Variants in TOPBP1 observed in about 807,000 individuals in gnomAD.
The protein encoded by TOPBP1 is DNA topoisomerase 2-binding protein 1.
A neutral mutation model predicts 167.7 loss-of-function variants in TOPBP1; 28 were observed. That is an observed-to-expected ratio of 0.17 (90% CI 0.12 to 0.23). The LOEUF (loss-of-function observed/expected upper bound fraction) is 0.23. TOPBP1 is among the 10% of genes least tolerant of loss of function. The pLI, the probability that TOPBP1 is intolerant of heterozygous loss-of-function variation, is 1.00. For missense variants in TOPBP1, 1,554 were observed against 1,809.6 expected (o/e 0.86, Z 2.56); for synonymous variants, 598 against 611.4 (o/e 0.98, Z 0.32).
In TOPBP1 at chr3:133,645,512, A is replaced by G. The variant is rs1261591151; in HGVS notation, c.1505-1149T>C. ...TTTTTAAACAGTTTTGTTAAAATGT[A>G]AAGTTTGTTTTATAAGTAAAAACCT... On this transcript the variant is annotated intron_variant, in intron 10 of 27. Coordinates refer to ENST00000260810, the MANE Select transcript of TOPBP1 (RefSeq NM_007027.4). Among the ~76,000 whole-genome samples, 3 of 152,306 alleles carry G rather than the reference A, an allele frequency of 2.0e-5. No homozygotes were observed. In the East Asian group the frequency reaches 5.8e-4, roughly 29 times the overall value.
chr3:133,620,849 A>C (rs1935068001), intron 19 of TOPBP1, among the ~76,000 whole-genome samples: 1 of 152,144 alleles, frequency 6.6e-6, no homozygotes, highest in Admixed American at 6.5e-5. Context: ...TGCTAGGATT[A>C]CAGGCATGAG....
rs1935169179 is a variant in TOPBP1 at position 133,623,533 on chromosome 3, C to A, written c.2929-76G>T. ...TAGATGATGTTAAGTAGGATAAGGA[C>A]AAGCAATACATTATACTGTAATATG... On this transcript the variant is annotated intron_variant, in intron 17 of 27. Coordinates refer to ENST00000260810, the MANE Select transcript of TOPBP1 (RefSeq NM_007027.4). 7.5e-6 allele frequency: 11 copies of A among 1,462,892 alleles called. No individual in the cohort carries two copies. The Admixed American group carries it at 2.0e-4, about 27-fold the overall frequency. The allele number at this position is 1,462,892 out of a possible 1,614,324, so 90.6% of individuals were successfully genotyped here. A position where few individuals can be genotyped will look rare whatever the true frequency, so the allele number is the denominator to read the frequency against.
intron 6 of TOPBP1, 103 bp from the exon 7 acceptor site, chr3:133,653,627 A>ATT: frequency 9.3e-7 from 1 of 1,073,718 alleles, no homozygotes; most frequent in Non-Finnish European, 1.2e-6. Flanking sequence ...TAACAGGTTA[A>ATT]TATTTTTTTT....
At chr3:133,648,468 T>A (rs1936158920) in intron 10 of TOPBP1, among the ~76,000 whole-genome samples, 1 of 152,312 alleles carries the variant, frequency 6.6e-6, no homozygotes, top group Admixed American at 6.5e-5. Flanking sequence ...AGTATGTTGA[T>A]GAGTGGAGAG....
chr3:133,649,704 T>G, intron 9 of TOPBP1, 71 bp from the exon 10 acceptor site: 2 of 1,591,332 alleles, frequency 1.3e-6, no homozygotes, highest in Non-Finnish European at 1.7e-6. Flanking sequence ...TCATGCAGTT[T>G]CCAGAACTGC....
At position 133,623,117 on chromosome 3, in the gene TOPBP1, C is replaced by A; in HGVS notation, c.3152G>T (p.Gly1051Val). The A allele has an allele frequency of 6.2e-7, 1 of 1,609,740 alleles. No homozygotes were observed. ...TNNKESAPSN[G>V]SGKNDSKGVL... ...TCCTTTAGAGTCATTCTTTCCACTT[C>A]CATTTGATGGTGCTGACTCTTTATT... Residue 1051 changes from glycine (G) to valine (V), a missense_variant, in exon 19 of 28, where the codon GGA becomes GTA. Coordinates refer to ENST00000260810, the MANE Select transcript of TOPBP1 (RefSeq NM_007027.4).
intron 12 of TOPBP1, among the ~76,000 whole-genome samples, chr3:133,640,688 C>A (rs1178671282): frequency 6.6e-6 from 1 of 152,086 alleles, no homozygotes; most frequent in African/African-American, 2.4e-5. Flanking sequence ...GGATTACAGG[C>A]GTGAACCACC....
At position 133,628,686 on chromosome 3, in the gene TOPBP1, T is replaced by C. The variant is rs1178278867; in HGVS notation, c.2568A>G (p.Lys856=). 1 of 1,559,744 alleles carries C rather than the reference T, an allele frequency of 6.4e-7. No individual in the cohort carries two copies. Among genetic ancestry groups the C allele is most frequent in the East Asian group, 2.4e-5 (1 of 41,754 alleles). Reference sequence around the variant, plus strand: ...CTGAGAGTGGCGTACTCGGTTTCCTTTTCTGTTGGCTGGGACGTCCTGGAG... The same window carrying C: ...CTGAGAGTGGCGTACTCGGTTTCCTCTTCTGTTGGCTGGGACGTCCTGGAG... ...LETPGRPSQQ[K]RKPSTPLSEV... The change falls in exon 15 of 28, where the codon AAA becomes AAG. Residue 856 remains lysine, a synonymous_variant. Transcript: ENST00000260810.
chr3:133,655,674 G>A (rs1048356087), intron 5 of TOPBP1, among the ~76,000 whole-genome samples, 188 bp from the exon 6 acceptor site: 2 of 152,020 alleles, frequency 1.3e-5, no homozygotes, highest in Non-Finnish European at 2.9e-5. Context: ...CTAAAACAAA[G>A]TAATTGTTTC....
chr3:133,636,146 T>G (rs1935664249), intron 14 of TOPBP1, among the ~76,000 whole-genome samples: 1 of 152,222 alleles, frequency 6.6e-6, no homozygotes, highest in Admixed American at 6.5e-5. Context: ...GGGTTTACAG[T>G]ACTGACCATG....
intron 25 of TOPBP1, 52 bp downstream of exon 25, chr3:133,610,952 A>G: frequency 6.9e-7 from 1 of 1,445,200 alleles, no homozygotes; most frequent in East Asian, 2.4e-5. Flanking sequence ...AATGTGAAAG[A>G]GTCACAATAT....
chr3:133,658,122 T>TA (rs1426879703), intron 3 of TOPBP1, among the ~76,000 whole-genome samples, 181 bp from the exon 4 acceptor site: 1 of 152,164 alleles, frequency 6.6e-6, no homozygotes, highest in Non-Finnish European at 1.5e-5. Context: ...TACTATACAT[T>TA]AAACACTCAC....
intron 22 of TOPBP1, 76 bp downstream of exon 22, chr3:133,617,084 T>C (rs1478647911): frequency 1.7e-5 from 25 of 1,493,746 alleles, no homozygotes; most frequent in Non-Finnish European, 2.2e-5. Context: ...AGCCTTGATA[T>C]TGACATCAAC....
At position 133,644,139 on chromosome 3, in the gene TOPBP1, C is replaced by T. The variant is rs1425844321; in HGVS notation, c.1729G>A (p.Glu577Lys). ...NESNIANIIKENAGKIMSLLS... is the reference protein window; with the variant it reads ...NESNIANIIKKNAGKIMSLLS... ...AGGGACATGATTTTCCCAGCATTTT[C>T]TTTTATGATGTTTGCGATGTTAGAT... is the stretch of plus-strand genomic sequence containing the variant. The change falls in exon 11 of 28, where the codon GAA becomes AAA. Residue 577 changes from glutamate to lysine, a missense_variant. By Grantham distance (56) the Glu-to-Lys change is moderately conservative (BLOSUM62 1). Coordinates refer to ENST00000260810, the MANE Select transcript of TOPBP1 (RefSeq NM_007027.4). 1 of 1,613,808 alleles carries T rather than the reference C, an allele frequency of 6.2e-7. No individual in the cohort carries two copies. The highest frequency in any genetic ancestry group is 1.3e-5 in the African/African-American group (1 of 74,920).
chr3:133,660,919 T>G (rs1936684976), intron 2 of TOPBP1, 125 bp downstream of exon 2: 3 of 665,146 alleles, frequency 4.5e-6, no homozygotes, highest in Non-Finnish European at 7.4e-6. Context: ...ATATCTGTAT[T>G]AATGTAGACT....
chr3:133,657,264 A>G (rs1936507288), intron 4 of TOPBP1, among the ~76,000 whole-genome samples: 1 of 151,716 alleles, frequency 6.6e-6, no homozygotes, highest in Non-Finnish European at 1.5e-5. Flanking sequence ...AGATTACTTG[A>G]GCCCAGGAAA....
intron 10 of TOPBP1, among the ~76,000 whole-genome samples, chr3:133,648,802 A>G (rs1936175975): frequency 6.6e-6 from 1 of 152,202 alleles, no homozygotes; most frequent in Non-Finnish European, 1.5e-5. Flanking sequence ...CTGCTTCAAA[A>G]AAAAAAAAAG....
chr3:133,652,348 T>A (rs999577086), intron 8 of TOPBP1, 115 bp downstream of exon 8: 1 of 1,076,656 alleles, frequency 9.3e-7, no homozygotes, highest in Non-Finnish European at 1.3e-6. Context: ...TTAGCTAGAG[T>A]GGAGGGTTTA....
chr3:133,624,037 A>T lies in TOPBP1; in HGVS notation c.2928+15T>A. On this transcript the variant is annotated intron_variant, in intron 17 of 27. Transcript: ENST00000260810. ...TTCAATTAACAGAGATGGGGGGGAA[A>T]AAAGCACTGCTTACATCTAAAAGCC... is the stretch of plus-strand genomic sequence containing the variant. 1 of 1,606,306 alleles carries T rather than the reference A, an allele frequency of 6.2e-7. No individual in the cohort carries two copies.
Sources: allele counts gnomAD v4.1 joint callset (sites outside exome capture counted in the v4.1 genomes callset), GRCh38; gene constraint gnomAD v4.1.1; transcripts MANE v1.5; gene names NCBI Gene and HGNC (gene_info 2026-07-23, HGNC 2026-07-21).